Variants in ATF7 observed in about 807,000 individuals in gnomAD.
The protein encoded by ATF7 is cyclic AMP-dependent transcription factor ATF-7.
A neutral mutation model predicts 50.4 loss-of-function variants in ATF7; 10 were observed. The ratio of observed to expected loss-of-function variants is 0.20; its 90% confidence interval spans 0.12 to 0.34. The LOEUF (loss-of-function observed/expected upper bound fraction) is 0.34, where lower values mean the gene tolerates loss of function less well. Ranked by LOEUF, ATF7 falls within the 10% of genes least tolerant of loss-of-function variation. The pLI is 1.00. For missense variants in ATF7, 465 were observed against 613.9 expected (o/e 0.76, Z 2.56); for synonymous variants, 201 against 226.4 (o/e 0.89, Z 1.01).
chr12:53,529,710 T>TACACACACACACACACACACACAC (rs796404325), intron 9 of ATF7, among the ~76,000 whole-genome samples: 46 of 132,230 alleles, frequency 3.5e-4, no homozygotes, highest in African/African-American at 1.2e-3. Context: ...TATATACACA[T>TACACACACACACACACACACACAC]ACACACACAC....
intron 2 of ATF7, among the ~76,000 whole-genome samples, chr12:53,557,345 G>T (rs1045321077): frequency 2.0e-5 from 3 of 151,802 alleles, no homozygotes; most frequent in African/African-American, 7.3e-5. Context: ...GGGACTACAG[G>T]CATGCACCAC....
Position 53,523,372 on chromosome 12 carries a change from A to C in ATF7, c.1138T>G (p.Leu380Val). 6.2e-7 allele frequency: 1 copy of C among 1,612,514 alleles called. No individual in the cohort carries two copies. Among genetic ancestry groups the C allele is most frequent in the Non-Finnish European group, 8.5e-7 (1 of 1,178,602 alleles). ...AACTGGGCCACCTCATTGCGTAGTA[A>C]TGTGACTTCATTCTGAGGAGGGAGG... ...QNIQLSNEVT[L>V]LRNEVAQLKQ... The change falls in exon 11 of 12, where the codon TTA becomes GTA. Residue 380 changes from leucine (L) to valine (V), a missense_variant. Physicochemically the swap from Leu to Val is conservative, Grantham distance 32 (BLOSUM62 1). Transcript: ENST00000420353.
At chr12:53,577,339 T>TA (rs971230110) in intron 2 of ATF7, among the ~76,000 whole-genome samples, 21 of 147,060 alleles carry the variant, frequency 1.4e-4, no homozygotes, top group East Asian at 7.9e-4. Flanking sequence ...AAAGAAGAAC[T>TA]AAAAAAAAAA....
At position 53,523,284 on chromosome 12, in the gene ATF7, C is replaced by G. The variant is rs145586636; in HGVS notation, c.1226G>C (p.Gly409Ala). The change falls in exon 11 of 12, where the codon GGC (glycine) becomes GCC (alanine). Residue 409 changes from glycine (G) to alanine (A), a missense_variant. By Grantham distance (60) the Gly-to-Ala change is moderately conservative (BLOSUM62 0). Coordinates refer to ENST00000420353, the MANE Select transcript of ATF7 (RefSeq NM_006856.3). ...GGTTGTGTGCCACTCACCTAAATAG[C>G]CTTGAGTCTTTTTCTGTAGTGCAGT... ...PVTALQKKTQ[G>A]YLESPKESSE... The G allele has an allele frequency of 8.3e-5, 133 of 1,611,100 alleles. No homozygotes were observed. In the African/African-American group the frequency reaches 1.7e-3, roughly 20 times the overall value.
chr12:53,584,453 T>C (rs1377920894), intron 2 of ATF7, among the ~76,000 whole-genome samples: 2 of 152,186 alleles, frequency 1.3e-5, no homozygotes, highest in Non-Finnish European at 2.9e-5. Flanking sequence ...GGAAGACAGT[T>C]TGACAGTTTC....
chr12:53,576,745 AAACACTGT>A (rs1250504115), intron 2 of ATF7, among the ~76,000 whole-genome samples: 1 of 152,206 alleles, frequency 6.6e-6, no homozygotes, highest in East Asian at 1.9e-4. Context: ...TACAGATAAA[AAACACTGT>A]AACAGAAATG....
At chr12:53,521,045 C>T (rs10876461) in intron 11 of ATF7, among the ~76,000 whole-genome samples, 82,537 of 150,638 alleles carry the variant, frequency 0.55, 23,289 homozygotes, top group East Asian at 0.93. Flanking sequence ...CAGGCTGGAG[C>T]GCAATGGCAC....
chr12:53,578,383 A>AT (rs1341702490), intron 2 of ATF7, among the ~76,000 whole-genome samples: 14 of 151,552 alleles, frequency 9.2e-5, no homozygotes, highest in Non-Finnish European at 4.4e-5. Context: ...AAAAAAAAAA[A>AT]AAAAGTGAAG....
intron 5 of ATF7, among the ~76,000 whole-genome samples, chr12:53,536,614 G>A (rs1243261532): frequency 6.6e-6 from 1 of 151,804 alleles, no homozygotes; most frequent in Non-Finnish European, 1.5e-5. Context: ...CTGGCCGGGC[G>A]CGGTGGCTCA....
chr12:53,513,505 G>C lies in ATF7; in HGVS notation c.*3632C>G, dbSNP rs1254962384. The C allele has an allele frequency of 6.6e-6, 1 of 151,938 alleles. No homozygotes were observed. The highest frequency in any genetic ancestry group is 1.5e-5 in the Non-Finnish European group (1 of 68,016). The allele number at this position is 151,938 out of a possible 1,614,324, so 9.4% of individuals were successfully genotyped here. A position where few individuals can be genotyped will look rare whatever the true frequency, so the allele number is the denominator to read the frequency against. On this transcript the variant is annotated 3_prime_UTR_variant, in exon 12 of 12. Coordinates refer to ENST00000420353, the MANE Select transcript of ATF7 (RefSeq NM_006856.3). ...CACCCCCACCCCCGTCAAACATTAA[G>C]TCTAAAGAAAGCAGAAAGAGCATAT...
intron 1 of ATF7, among the ~76,000 whole-genome samples, chr12:53,615,929 T>C (rs538354222): frequency 4.6e-5 from 7 of 152,276 alleles, no homozygotes; most frequent in Non-Finnish European, 1.0e-4. Context: ...TATTCCTATT[T>C]CAAAAAGAAT....
At chr12:53,530,582 A>T (rs1265799441) in intron 9 of ATF7, among the ~76,000 whole-genome samples, 1 of 151,102 alleles carries the variant, frequency 6.6e-6, no homozygotes, top group Non-Finnish European at 1.5e-5. Flanking sequence ...TTTTATTTTT[A>T]TTTATTTATT....
intron 3 of ATF7, among the ~76,000 whole-genome samples, chr12:53,552,139 G>C (rs891688424): frequency 3.3e-5 from 5 of 152,206 alleles, no homozygotes; most frequent in African/African-American, 1.2e-4. Flanking sequence ...CTGACACCCA[G>C]TGGAAGAGAA....
At chr12:53,623,170 A>G (rs1944468848) in intron 1 of ATF7, among the ~76,000 whole-genome samples, 1 of 152,222 alleles carries the variant, frequency 6.6e-6, no homozygotes, top group South Asian at 2.1e-4. Flanking sequence ...ATAATGGAAC[A>G]GGGTATCTGT....
intron 2 of ATF7, among the ~76,000 whole-genome samples, chr12:53,573,843 C>G (rs1454348104): frequency 2.0e-5 from 3 of 152,196 alleles, no homozygotes; most frequent in Non-Finnish European, 4.4e-5. Flanking sequence ...GTCTAGCCAT[C>G]CTGTCCCATC....
In ATF7 at chr12:53,542,113, T is replaced by TTTTTTTTTTTG. The variant is rs1255842595; in HGVS notation, c.264+1216_264+1217insCAAAAAAAAAA. Among the ~76,000 whole-genome samples, 8 of 146,206 alleles carry TTTTTTTTTTTG rather than the reference T, an allele frequency of 5.5e-5. 1 individual carries two copies. Among genetic ancestry groups the TTTTTTTTTTTG allele is most frequent in the African/African-American group, 1.8e-4 (7 of 39,948 alleles). On this transcript the variant is annotated intron_variant, in intron 4 of 11. Transcript: ENST00000420353. Reference sequence around the variant, plus strand: ...GAGCCACTGCGCCTGGCCTGTTTTTTTTTTTTTTTTTTTAAGAGATAGGGT... The same window carrying TTTTTTTTTTTG: ...GAGCCACTGCGCCTGGCCTGTTTTTTTTTTTTTTTTGTTTTTTTTTTTTTAAGAGATAGGGT...
chr12:53,566,565 C>T (rs1318200675), intron 2 of ATF7, among the ~76,000 whole-genome samples: 1 of 152,112 alleles, frequency 6.6e-6, no homozygotes, highest in Non-Finnish European at 1.5e-5. Flanking sequence ...GTTCCTGATG[C>T]TACCTGCCCC....
At chr12:53,596,221 AC>A (rs984570900) in intron 2 of ATF7, among the ~76,000 whole-genome samples, 19 of 152,110 alleles carry the variant, frequency 1.2e-4, no homozygotes, top group Non-Finnish European at 2.9e-5. Context: ...AATCACTTGA[AC>A]CCAGGAGGTA....
intron 2 of ATF7, among the ~76,000 whole-genome samples, chr12:53,589,064 T>C (rs1233561613): frequency 2.0e-5 from 3 of 152,044 alleles, no homozygotes; most frequent in Non-Finnish European, 4.4e-5. Flanking sequence ...ATTTGGACCA[T>C]TTACCAAAAA....
Sources: allele counts gnomAD v4.1 joint callset (sites outside exome capture counted in the v4.1 genomes callset), GRCh38; gene constraint gnomAD v4.1.1; transcripts MANE v1.5; gene names NCBI Gene and HGNC (gene_info 2026-07-23, HGNC 2026-07-21).